Variants in HEATR5A observed in about 807,000 individuals in gnomAD.
The protein encoded by HEATR5A is HEAT repeat containing 5A, also known as HEAT repeat-containing protein 5A.
In HEATR5A, 178 loss-of-function variants were observed where a neutral mutation model predicts 218.8. That is an observed-to-expected ratio of 0.81 (90% CI 0.72 to 0.92). The LOEUF (loss-of-function observed/expected upper bound fraction) is 0.92. HEATR5A is among the 40% of genes least tolerant of loss of function. The pLI, the probability that HEATR5A is intolerant of heterozygous loss-of-function variation, is 0.00. For synonymous variants in HEATR5A, 864 were observed against 871.6 expected (o/e 0.99, Z 0.15); for missense variants, 2,420 against 2,418.9 (o/e 1.00, Z -0.01).
chr14:31,358,984 T>C lies in HEATR5A; in HGVS notation c.2145A>G (p.Thr715=). The change falls in exon 15 of 36, where the codon ACA becomes ACG. Residue 715 remains threonine (T), a synonymous_variant. Transcript: ENST00000543095. ...GATGACAGAGGGGTGGAAGTAAAAA[T>C]GTAGATGCTGCCACCTGAATATCAG... ...TAPDIQVAAS[T]FLLPPLCHQD... is the part of the protein sequence containing the mutation. 6.3e-7 allele frequency: 1 copy of C among 1,589,412 alleles called. No individual in the cohort carries two copies. Among genetic ancestry groups the C allele is most frequent in the Non-Finnish European group, 8.5e-7 (1 of 1,174,362 alleles).
chr14:31,301,115 T>C (rs76762446), intron 33 of HEATR5A, among the ~76,000 whole-genome samples: 4,730 of 152,224 alleles, frequency 0.031, 96 homozygotes, highest in Middle Eastern at 0.062. Context: ...AAATGAAATA[T>C]GGCAAATTGT....
intron 1 of HEATR5A, among the ~76,000 whole-genome samples, chr14:31,415,680 C>T (rs977981027): frequency 6.6e-6 from 1 of 152,124 alleles, no homozygotes; most frequent in Non-Finnish European, 1.5e-5. Flanking sequence ...CAATGGGTAA[C>T]TTCAGTTTTC....
At chr14:31,398,475 C>T (rs1016538297) in intron 4 of HEATR5A, among the ~76,000 whole-genome samples, 198 bp downstream of exon 4, 1 of 152,170 alleles carries the variant, frequency 6.6e-6, no homozygotes, top group South Asian at 2.1e-4. Context: ...TGAAATTCTA[C>T]TGCATTACTA....
rs1412326126 is a variant in HEATR5A, at chr14:31,398,661, G to A, written c.447+12C>T. 3 of 1,365,978 alleles carry A rather than the reference G, an allele frequency of 2.2e-6. No individual in the cohort carries two copies. Among genetic ancestry groups the A allele is most frequent in the Non-Finnish European group, 3.0e-6 (3 of 995,982 alleles). The allele number at this position is 1,365,978 out of a possible 1,614,324, so 84.6% of individuals were successfully genotyped here. ...GTCTTTTCATTCTTTGGCTGAACTTGTAATTACTTACCTCTGCACTCTTCA... is the reference window on the plus strand; with the variant it reads ...GTCTTTTCATTCTTTGGCTGAACTTATAATTACTTACCTCTGCACTCTTCA... On this transcript the variant is annotated intron_variant, in intron 4 of 35. Coordinates refer to ENST00000543095, the MANE Select transcript of HEATR5A (RefSeq NM_015473.4).
At chr14:31,321,039 C>T (rs756425295) in intron 25 of HEATR5A, among the ~76,000 whole-genome samples, 3 of 152,134 alleles carry the variant, frequency 2.0e-5, no homozygotes, top group Admixed American at 6.6e-5. Context: ...TATCCCAATT[C>T]GGTTCATAGA....
At chr14:31,402,571 A>G (rs1028768661) in intron 2 of HEATR5A, among the ~76,000 whole-genome samples, 2 of 152,216 alleles carry the variant, frequency 1.3e-5, no homozygotes, top group Non-Finnish European at 2.9e-5. Flanking sequence ...ACAAAAACGA[A>G]GTATAATAGA....
At chr14:31,359,287 A>AGTGTGTGTGTGT (rs35338545) in intron 14 of HEATR5A, among the ~76,000 whole-genome samples, 35 of 50,504 alleles carry the variant, frequency 6.9e-4, no homozygotes, top group Admixed American at 1.5e-3. Flanking sequence ...AAAGTGTAAG[A>AGTGTGTGTGTGT]GTGTGTGTGT....
chr14:31,384,025 TAA>T (rs1402969127), intron 9 of HEATR5A, among the ~76,000 whole-genome samples: 1 of 152,176 alleles, frequency 6.6e-6, no homozygotes, highest in Non-Finnish European at 1.5e-5. Context: ...TGTCCTAAAT[TAA>T]GTCCGCGCAC....
At chr14:31,380,373 T>G in intron 11 of HEATR5A, 94 bp downstream of exon 11, 1 of 798,126 alleles carries the variant, frequency 1.3e-6, no homozygotes, top group Non-Finnish European at 2.0e-6. Context: ...CTGGTATGTA[T>G]TAAAAGTTCA....
chr14:31,386,626 T>C (rs1595163356), intron 8 of HEATR5A, 51 bp from the exon 9 acceptor site: 2 of 1,486,814 alleles, frequency 1.3e-6, no homozygotes, highest in South Asian at 1.4e-5. Flanking sequence ...TTAAAATATA[T>C]TGAAAAGGGT....
chr14:31,299,972 G>A (rs1899315638), intron 33 of HEATR5A, among the ~76,000 whole-genome samples: 1 of 152,016 alleles, frequency 6.6e-6, no homozygotes, highest in Admixed American at 6.6e-5. Flanking sequence ...GGAGGCAGAA[G>A]TTGCAGTGAG....
chr14:31,377,696 C>T (rs1033198395), intron 11 of HEATR5A, among the ~76,000 whole-genome samples: 1 of 151,844 alleles, frequency 6.6e-6, no homozygotes. Context: ...GTGGATCACC[C>T]GAGCCTGCGG....
At chr14:31,301,798 A>G (rs562501684) in intron 33 of HEATR5A, among the ~76,000 whole-genome samples, 2 of 143,584 alleles carry the variant, frequency 1.4e-5, no homozygotes, top group Non-Finnish European at 3.0e-5. Context: ...TGGCCCCAGA[A>G]CACAGCTTTC....
At chr14:31,325,874 C>G (rs560266926) in intron 23 of HEATR5A, 19 of 395,970 alleles carry the variant, frequency 4.8e-5, no homozygotes, top group Non-Finnish European at 8.3e-5. Flanking sequence ...TCAAGTCACA[C>G]CTTTTAGGGC....
chr14:31,381,496 G>C (rs1196229848), intron 10 of HEATR5A, among the ~76,000 whole-genome samples: 3 of 138,630 alleles, frequency 2.2e-5, no homozygotes, highest in Non-Finnish European at 4.6e-5. Context: ...CAGCCTAGGA[G>C]TGAGCTAGGA....
Position 31,323,673 on chromosome 14 carries a change from C to T in HEATR5A, c.3679G>A (p.Val1227Ile), listed in dbSNP as rs1308175698. The change falls in exon 24 of 36, where the codon GTC (valine) becomes ATC (isoleucine). Residue 1227 changes from valine to isoleucine, a missense_variant. Val to Ile is a conservative substitution (Grantham distance 29). Coordinates refer to ENST00000543095, the MANE Select transcript of HEATR5A (RefSeq NM_015473.4). ...PFTNPRWATR[V>I]FAAECVCRII... Reference sequence around the variant, plus strand: ...CTACAGACACATTCAGCAGCAAAGACTCTAGTAGCCCATCGGGGATTGGTA... The same window carrying T: ...CTACAGACACATTCAGCAGCAAAGATTCTAGTAGCCCATCGGGGATTGGTA... 2 of 1,613,752 alleles carry T rather than the reference C, an allele frequency of 1.2e-6. No homozygotes were observed. Among genetic ancestry groups the T allele is most frequent in the Admixed American group, 1.7e-5 (1 of 59,984 alleles).
At chr14:31,310,467 C>G (rs1899708069) in intron 28 of HEATR5A, among the ~76,000 whole-genome samples, 1 of 152,086 alleles carries the variant, frequency 6.6e-6, no homozygotes. Context: ...TGGAGAAACC[C>G]TGTCTCTACT....
At chr14:31,379,189 C>A (rs1474165694) in intron 11 of HEATR5A, among the ~76,000 whole-genome samples, 1 of 151,866 alleles carries the variant, frequency 6.6e-6, no homozygotes, top group Non-Finnish European at 1.5e-5. Flanking sequence ...CTCAGATGAT[C>A]CGCCCGCCTA....
intron 16 of HEATR5A, among the ~76,000 whole-genome samples, chr14:31,355,664 G>A (rs1200842386): frequency 6.6e-6 from 1 of 152,050 alleles, no homozygotes; most frequent in African/African-American, 2.4e-5. Context: ...AAACCCAGGA[G>A]GCGGATGTTG....
Sources: gnomAD v4.1 joint callset for allele counts (sites outside exome capture counted in the v4.1 genomes callset) on GRCh38, gnomAD v4.1.1 for gene constraint, MANE v1.5 for transcripts, NCBI Gene and HGNC (gene_info 2026-07-23, HGNC 2026-07-21) for gene names.